ULK4: variants seen among roughly 807,000 people sequenced by gnomAD.
The protein encoded by ULK4 is inactive serine/threonine-protein kinase ULK4.
Under a neutral mutation model 160.6 loss-of-function variants are expected in ULK4, and 133 were observed. The ratio of observed to expected loss-of-function variants is 0.83; its 90% CI spans 0.72 to 0.96. The LOEUF is 0.96. Ranked by LOEUF, ULK4 falls within the 40% of genes least tolerant of loss-of-function variation. The pLI is 0.00. For missense variants in ULK4, 1,580 were observed against 1,499.5 expected (o/e 1.05, Z -0.89); for synonymous variants, 534 against 539.8 (o/e 0.99, Z 0.15).
At chr3:41,909,000 G>A (rs1217252169) in intron 11 of ULK4, among the ~76,000 whole-genome samples, 2 of 150,886 alleles carry the variant, frequency 1.3e-5, no homozygotes, top group African/African-American at 4.9e-5. Context: ...GGCTGAGGCA[G>A]GAGGATCACT....
At chr3:41,439,492 A>G (rs1405666262) in intron 34 of ULK4, among the ~76,000 whole-genome samples, 1 of 152,230 alleles carries the variant, frequency 6.6e-6, no homozygotes, top group Non-Finnish European at 1.5e-5. Flanking sequence ...CAAGCTAAAA[A>G]TGACTTATTT....
chr3:41,674,674 T>C (rs1376688214), intron 29 of ULK4, among the ~76,000 whole-genome samples: 1 of 152,150 alleles, frequency 6.6e-6, no homozygotes, highest in Non-Finnish European at 1.5e-5. Flanking sequence ...CCATGGCCAG[T>C]ATCACCAACT....
chr3:41,327,899 G>C (rs939368520), intron 35 of ULK4, among the ~76,000 whole-genome samples: 2 of 152,160 alleles, frequency 1.3e-5, no homozygotes. Flanking sequence ...ATTTTCTTGC[G>C]GAACAGGCTG....
intron 17 of ULK4, among the ~76,000 whole-genome samples, chr3:41,850,776 G>A (rs2042191849): frequency 6.6e-6 from 1 of 152,170 alleles, no homozygotes; most frequent in African/African-American, 2.4e-5. Flanking sequence ...CACTCTGATG[G>A]TAGCTGCTGT....
chr3:41,857,284 G>A (rs1371939649), intron 17 of ULK4, among the ~76,000 whole-genome samples: 3 of 152,108 alleles, frequency 2.0e-5, no homozygotes, highest in East Asian at 1.9e-4. Flanking sequence ...AATCCCTTGG[G>A]TACTCATTAT....
intron 35 of ULK4, among the ~76,000 whole-genome samples, chr3:41,286,449 TGGGG>T (rs1296686984): frequency 6.6e-6 from 1 of 151,964 alleles, no homozygotes; most frequent in Non-Finnish European, 1.5e-5. Context: ...CCATATGCTA[TGGGG>T]GAAAGCAGAT....
At chr3:41,694,185 G>C (rs1033001339) in intron 27 of ULK4, among the ~76,000 whole-genome samples, 1 of 152,216 alleles carries the variant, frequency 6.6e-6, no homozygotes. Flanking sequence ...TGGCAAGAAA[G>C]AACTGTGTAG....
At chr3:41,306,114 G>C (rs1392043546) in intron 35 of ULK4, among the ~76,000 whole-genome samples, 1 of 117,340 alleles carries the variant, frequency 8.5e-6, no homozygotes, top group African/African-American at 3.8e-5. Context: ...CCGCCACCCC[G>C]TCCGGGAGGG....
At chr3:41,343,570 C>T (rs1222092213) in intron 35 of ULK4, among the ~76,000 whole-genome samples, 2 of 152,140 alleles carry the variant, frequency 1.3e-5, no homozygotes, top group African/African-American at 2.4e-5. Context: ...TCCCAAAGTG[C>T]TGGGATTACA....
chr3:41,703,329 T>C (rs2036748712), intron 27 of ULK4, among the ~76,000 whole-genome samples: 1 of 151,954 alleles, frequency 6.6e-6, no homozygotes, highest in African/African-American at 2.4e-5. Flanking sequence ...ATTAAAATCA[T>C]CCAGACTACA....
At chr3:41,510,313 A>T (rs1341351123) in intron 32 of ULK4, among the ~76,000 whole-genome samples, 1 of 152,202 alleles carries the variant, frequency 6.6e-6, no homozygotes, top group Non-Finnish European at 1.5e-5. Flanking sequence ...CCTAATACTG[A>T]AACTCCCAAA....
At chr3:41,396,906 C>T (rs2082073918) in intron 35 of ULK4, among the ~76,000 whole-genome samples, 2 of 152,092 alleles carry the variant, frequency 1.3e-5, no homozygotes, top group Admixed American at 1.3e-4. Flanking sequence ...CACAATATGG[C>T]AGTGAAGGAG....
At chr3:41,486,511 C>G (rs1295146025) in intron 32 of ULK4, among the ~76,000 whole-genome samples, 6 of 152,058 alleles carry the variant, frequency 3.9e-5, no homozygotes, top group African/African-American at 1.5e-4. Flanking sequence ...AGTTTTATCA[C>G]GAAAAGACTG....
At chr3:41,951,305 A>C (rs1470585979) in intron 2 of ULK4, among the ~76,000 whole-genome samples, 1 of 151,978 alleles carries the variant, frequency 6.6e-6, no homozygotes. Context: ...TCTTATCAAA[A>C]TCCCAACAAC....
At chr3:41,924,677 G>A (rs530605911) in intron 5 of ULK4, among the ~76,000 whole-genome samples, 90 of 152,290 alleles carry the variant, frequency 5.9e-4, no homozygotes, top group African/African-American at 1.9e-3. Flanking sequence ...TCTATGGAAT[G>A]CAATTTAAGG....
At chr3:41,363,331 C>T (rs1041081444) in intron 35 of ULK4, among the ~76,000 whole-genome samples, 2 of 152,220 alleles carry the variant, frequency 1.3e-5, no homozygotes, top group African/African-American at 4.8e-5. Flanking sequence ...ATGCATAAGT[C>T]ATGAGCAGCT....
chr3:41,357,421 T>G (rs2081050942), intron 35 of ULK4, among the ~76,000 whole-genome samples: 2 of 151,832 alleles, frequency 1.3e-5, no homozygotes, highest in Non-Finnish European at 2.9e-5. Flanking sequence ...CTCTCCGGAG[T>G]GCTCGGCTGG....
Position 41,622,313 on chromosome 3 carries a change from C to T in ULK4, c.3072-6596G>A, listed in dbSNP as rs146364342. On this transcript the variant is annotated intron_variant, in intron 30 of 36. Transcript: ENST00000301831. Reference sequence around the variant, plus strand: ...GACACATGCACATATATGTTTACTGCAGCACTATTTACAATAGTAAAGACT... The same window carrying T: ...GACACATGCACATATATGTTTACTGTAGCACTATTTACAATAGTAAAGACT... 5.3e-3 allele frequency among the ~76,000 whole-genome samples: 812 copies of T among 152,238 alleles called. 4 individuals are homozygous for T. The highest frequency in any genetic ancestry group is 0.019 in the African/African-American group (774 of 41,538).
intron 35 of ULK4, among the ~76,000 whole-genome samples, chr3:41,305,368 T>C (rs1040393355): frequency 2.6e-4 from 39 of 152,232 alleles, no homozygotes; most frequent in Admixed American, 5.9e-4. Flanking sequence ...GTGCCTGCGA[T>C]TGCAGGCTCG....
Sources: gnomAD v4.1 joint callset for allele counts (sites outside exome capture counted in the v4.1 genomes callset) on GRCh38, gnomAD v4.1.1 for gene constraint, MANE v1.5 for transcripts, NCBI Gene and HGNC (gene_info 2026-07-23, HGNC 2026-07-21) for gene names.